The following CD8B variants were observed in gnomAD, a reference collection of about 807,000 sequenced individuals.
The protein encoded by CD8B is CD8 subunit beta.
CD8B carries 6 observed loss-of-function variants against 24.2 expected under a neutral mutation model. The observed-to-expected ratio is 0.25, with a 90% CI of 0.14 to 0.49. The LOEUF is 0.49. CD8B is among the 20% of genes least tolerant of loss of function. The pLI, the probability that CD8B is intolerant of heterozygous loss-of-function variation, is 0.98. For synonymous variants in CD8B, 84 were observed against 108.3 expected (o/e 0.78, Z 1.39); for missense variants, 196 against 271.3 (o/e 0.72, Z 1.95).
intron 5 of CD8B, among the ~76,000 whole-genome samples, chr2:86,830,354 G>A (rs1033622656): frequency 2.0e-5 from 3 of 152,198 alleles, no homozygotes; most frequent in African/African-American, 7.2e-5. Context: ...GTCAGTTGAG[G>A]CCAGCAGTTC....
chr2:86,855,261 AACACGATCTGTTTGTCTGCTTCAAG>A (rs1183872384), intron 2 of CD8B, among the ~76,000 whole-genome samples: 3 of 152,196 alleles, frequency 2.0e-5, no homozygotes, highest in African/African-American at 7.2e-5. Context: ...AAGCGGAGAG[AACACGATCTGTTTGTCTGCTTCAAG>A]ACATTGATGG....
rs556625955 is a variant in CD8B, at chr2:86,847,279, T to C, written c.494-506A>G. Among the ~76,000 whole-genome samples the C allele has an allele frequency of 1.5e-3, 221 of 152,240 alleles. 1 individual carries two copies. The highest frequency in any genetic ancestry group is 6.8e-3 in the Middle Eastern group (2 of 294). On this transcript the variant is annotated intron_variant, in intron 3 of 5. Transcript: ENST00000390655. ...AGCACTTTAAACATTATTGAAATCA[T>C]TTTATTATAAAATTTCATGTCCCAC...
chr2:86,829,027 TC>T (rs1674800622), intron 5 of CD8B, among the ~76,000 whole-genome samples: 1 of 151,264 alleles, frequency 6.6e-6, no homozygotes, highest in South Asian at 2.1e-4. Context: ...ACGATAAAGA[TC>T]ACTTGTAATC....
chr2:86,815,609 A>C, exon 6 of CD8B: 1 of 1,584,948 alleles, frequency 6.3e-7, no homozygotes, highest in Non-Finnish European at 8.7e-7. Flanking sequence ...CTTCTTGCCT[A>C]TGTTTTCAGG....
At chr2:86,830,001 G>A (rs764282270) in intron 5 of CD8B, among the ~76,000 whole-genome samples, 13 of 152,130 alleles carry the variant, frequency 8.5e-5, no homozygotes, top group Admixed American at 6.6e-5. Flanking sequence ...TTATTTTAAT[G>A]TCATTTATTA....
chr2:86,853,160 A>C (rs1676060581), intron 2 of CD8B, 74 bp from the exon 3 acceptor site: 2 of 1,549,090 alleles, frequency 1.3e-6, no homozygotes, highest in East Asian at 4.9e-5. Flanking sequence ...ACTTTGTCTT[A>C]TGGCGGGTGC....
At position 86,857,960 on chromosome 2, in the gene CD8B, T is replaced by G. The variant is rs1676356184; in HGVS notation, c.403+97A>C. The G allele has an allele frequency of 5.4e-6, 7 of 1,288,248 alleles. No homozygotes were observed. In the African/African-American group the frequency reaches 7.3e-5, roughly 13 times the overall value. The allele number at this position is 1,288,248 out of a possible 1,614,324, so 79.8% of individuals were successfully genotyped here. On this transcript the variant is annotated intron_variant, in intron 2 of 5. Coordinates refer to ENST00000390655, the MANE Select transcript of CD8B (RefSeq NM_004931.5). ...TAGCAGCAGTGCCATTAGTCACGGC[T>G]GCAGAGTGGGGCACACTGAAGCCTG...
chr2:86,846,925 G>GTCTTTTTTTTT (rs1285464744), intron 3 of CD8B, 152 bp from the exon 4 acceptor site: 1 of 176,724 alleles, frequency 5.7e-6, no homozygotes, highest in African/African-American at 3.6e-5. Context: ...TTTTCCTCAA[G>GTCTTTTTTTTT]TATTTTTTTT....
At chr2:86,848,576 C>T (rs1450464183) in intron 3 of CD8B, among the ~76,000 whole-genome samples, 9 of 151,606 alleles carry the variant, frequency 5.9e-5, no homozygotes, top group Admixed American at 2.0e-4. Context: ...GCTTGAGGTT[C>T]GGAAAATTGG....
intron 5 of CD8B, among the ~76,000 whole-genome samples, chr2:86,832,365 C>G (rs532367898): frequency 2.6e-5 from 4 of 152,010 alleles, no homozygotes; most frequent in Admixed American, 6.6e-5. Flanking sequence ...GTAATCCCAG[C>G]TACTCAAGAG....
intron 1 of CD8B, among the ~76,000 whole-genome samples, chr2:86,858,684 A>G (rs1461297838): frequency 1.4e-5 from 2 of 144,290 alleles, no homozygotes; most frequent in East Asian, 2.0e-4. Flanking sequence ...TTTATTGTGT[A>G]CTTATATGCC....
intron 5 of CD8B, chr2:86,821,764 G>T: frequency 2.3e-6 from 1 of 427,212 alleles, no homozygotes; most frequent in Non-Finnish European, 4.8e-6. Context: ...AAAGAGCCCC[G>T]CTGCAGCAGG....
downstream of CD8B, among the ~76,000 whole-genome samples, chr2:86,834,467 TACAC>T (rs59177290): frequency 0.28 from 41,265 of 146,606 alleles, 3,157 homozygotes; most frequent in East Asian, 0.52. Flanking sequence ...TTTCTTCTCT[TACAC>T]ACACACACAC....
At position 86,820,059 on chromosome 2, in the gene CD8B, C is replaced by G. The variant is rs139956510; in HGVS notation, c.621-4341G>C. 1.7e-4 allele frequency among the ~76,000 whole-genome samples: 26 copies of G among 152,324 alleles called. 1 individual carries two copies. Among genetic ancestry groups the G allele is most frequent in the Middle Eastern group, 3.4e-3 (1 of 294 alleles). On this transcript the variant is annotated intron_variant, in intron 5 of 5. Transcript: ENST00000331469. ...GTCTGAAGACGTGGCTGAATTGTTG[C>G]AATCCCGTGATCAAACTTAACACAT...
At chr2:86,860,331 G>A (rs1440085401) in intron 1 of CD8B, among the ~76,000 whole-genome samples, 1 of 152,168 alleles carries the variant, frequency 6.6e-6, no homozygotes, top group Non-Finnish European at 1.5e-5. Flanking sequence ...AATGATGCCT[G>A]GGGCACAAGT....
At chr2:86,836,309 A>AC (rs1012221291), downstream of CD8B, among the ~76,000 whole-genome samples, 19 of 151,906 alleles carry the variant, frequency 1.3e-4, no homozygotes, top group African/African-American at 4.3e-4. Context: ...GAGCCAGAGG[A>AC]CCCCCACAGG....
chr2:86,848,473 C>T (rs1459559819), intron 3 of CD8B, among the ~76,000 whole-genome samples: 2 of 152,048 alleles, frequency 1.3e-5, no homozygotes, highest in African/African-American at 4.8e-5. Flanking sequence ...CCAAATCCTC[C>T]TCTGACACCC....
downstream of CD8B, chr2:86,815,431 G>C (rs1331623796): frequency 1.0e-5 from 6 of 598,374 alleles, no homozygotes; most frequent in Admixed American, 2.6e-5. Context: ...GGGACACTTT[G>C]GGGTTCACAA....
At chr2:86,817,000 TAAAGACA>T (rs1365391415) in intron 5 of CD8B, among the ~76,000 whole-genome samples, 94 of 152,256 alleles carry the variant, frequency 6.2e-4, no homozygotes, top group African/African-American at 2.2e-3. Context: ...AGTAATAAGT[TAAAGACA>T]GCAGAATTAA....
Sources: allele counts gnomAD v4.1 joint callset (sites outside exome capture counted in the v4.1 genomes callset), GRCh38; gene constraint gnomAD v4.1.1; transcripts MANE v1.5; gene names NCBI Gene and HGNC (gene_info 2026-07-23, HGNC 2026-07-21).